GUCY1A2: variants seen among roughly 807,000 people sequenced by gnomAD.
GUCY1A2 encodes the protein guanylate cyclase 1 soluble subunit alpha 2.
A neutral mutation model predicts 63.5 loss-of-function variants in GUCY1A2; 27 were observed. The observed-to-expected ratio is 0.43, with a 90% CI of 0.31 to 0.59. The LOEUF is 0.59. GUCY1A2 is among the 20% of genes least tolerant of loss of function. GUCY1A2 has a pLI of 0.11. For missense variants in GUCY1A2, 768 were observed against 913.3 expected (o/e 0.84, Z 2.05); for synonymous variants, 364 against 343.5 (o/e 1.06, Z -0.66).
chr11:106,743,187 G>C (rs1449360627), intron 6 of GUCY1A2, among the ~76,000 whole-genome samples: 2 of 151,930 alleles, frequency 1.3e-5, no homozygotes, highest in Admixed American at 1.3e-4. Flanking sequence ...CAGCTTTCAC[G>C]TGACTCCTAT....
At chr11:106,806,796 TC>T (rs1858693270) in intron 5 of GUCY1A2, among the ~76,000 whole-genome samples, 1 of 152,186 alleles carries the variant, frequency 6.6e-6, no homozygotes. Context: ...CACAGCAAAA[TC>T]CACAGCTTCT....
At chr11:106,886,656 T>G (rs143980451) in intron 4 of GUCY1A2, among the ~76,000 whole-genome samples, 1 of 152,120 alleles carries the variant, frequency 6.6e-6, no homozygotes, top group African/African-American at 2.4e-5. Flanking sequence ...CATGTTTAAT[T>G]TGAAATAAAA....
chr11:106,890,241 C>T (rs1037557984), intron 4 of GUCY1A2, among the ~76,000 whole-genome samples: 2 of 152,160 alleles, frequency 1.3e-5, no homozygotes, highest in Non-Finnish European at 2.9e-5. Flanking sequence ...CCCAACTCTT[C>T]AGTAAACGTT....
chr11:106,707,471 C>T (rs1862936792), intron 7 of GUCY1A2, among the ~76,000 whole-genome samples: 1 of 151,804 alleles, frequency 6.6e-6, no homozygotes, highest in South Asian at 2.1e-4. Flanking sequence ...TTCTAAGTTA[C>T]CTAAAACATG....
chr11:106,856,426 T>C (rs1382480839), intron 4 of GUCY1A2, among the ~76,000 whole-genome samples: 1 of 149,452 alleles, frequency 6.7e-6, no homozygotes. Context: ...AAGATCTGCC[T>C]TTTTTTTTCT....
chr11:106,926,875 A>G (rs994996812), intron 4 of GUCY1A2, among the ~76,000 whole-genome samples: 2 of 151,570 alleles, frequency 1.3e-5, no homozygotes, highest in African/African-American at 4.8e-5. Flanking sequence ...CCCCATCAGG[A>G]ACAGCACAAT....
chr11:106,954,719 T>C (rs750975831), intron 3 of GUCY1A2, among the ~76,000 whole-genome samples: 175 of 152,192 alleles, frequency 1.1e-3, no homozygotes, highest in Non-Finnish European at 2.3e-3. Context: ...TTAGAATAGT[T>C]AGCTCTTCTT....
At chr11:106,716,086 A>C (rs2135358227) in intron 6 of GUCY1A2, among the ~76,000 whole-genome samples, 1 of 152,288 alleles carries the variant, frequency 6.6e-6, no homozygotes, top group East Asian at 1.9e-4. Context: ...CATCCAGGTA[A>C]AGTGAAAATA....
chr11:106,816,594 C>A (rs555465042), intron 4 of GUCY1A2, among the ~76,000 whole-genome samples: 1 of 149,092 alleles, frequency 6.7e-6, no homozygotes, highest in Non-Finnish European at 1.5e-5. Flanking sequence ...AGGGAGGAAA[C>A]AAAAACCATA....
intron 4 of GUCY1A2, among the ~76,000 whole-genome samples, chr11:106,909,867 C>G (rs1254064287): frequency 6.6e-6 from 1 of 151,992 alleles, no homozygotes; most frequent in Admixed American, 6.6e-5. Flanking sequence ...TGGGCTAATA[C>G]CTAAGAATGA....
At chr11:106,710,079 T>TTATA (rs1206146141) in intron 6 of GUCY1A2, among the ~76,000 whole-genome samples, 1 of 103,906 alleles carries the variant, frequency 9.6e-6, no homozygotes, top group Non-Finnish European at 1.8e-5. Context: ...TAATATATAG[T>TTATA]TATATATAAT....
At chr11:106,824,460 T>C (rs1302191487) in intron 4 of GUCY1A2, among the ~76,000 whole-genome samples, 1 of 152,136 alleles carries the variant, frequency 6.6e-6, no homozygotes, top group African/African-American at 2.4e-5. Context: ...TCTGCTCTTA[T>C]TTGGTTGTGA....
intron 6 of GUCY1A2, among the ~76,000 whole-genome samples, chr11:106,773,875 A>T (rs969392168): frequency 2.6e-5 from 4 of 152,156 alleles, no homozygotes; most frequent in Non-Finnish European, 5.9e-5. Context: ...TTAATGTTCT[A>T]AACTTTTATT....
chr11:106,831,698 C>A (rs1859053261), intron 4 of GUCY1A2, among the ~76,000 whole-genome samples: 1 of 152,212 alleles, frequency 6.6e-6, no homozygotes, highest in African/African-American at 2.4e-5. Flanking sequence ...CACAGTCTCT[C>A]TCGCAGCAGG....
chr11:106,721,496 G>A (rs1418811162), intron 6 of GUCY1A2, among the ~76,000 whole-genome samples: 4 of 152,128 alleles, frequency 2.6e-5, no homozygotes, highest in Non-Finnish European at 4.4e-5. Flanking sequence ...TCAACCAACC[G>A]ATAACAAAGT....
intron 1 of GUCY1A2, among the ~76,000 whole-genome samples, chr11:106,995,926 A>C (rs1452739719): frequency 6.6e-6 from 1 of 152,230 alleles, no homozygotes; most frequent in Admixed American, 6.5e-5. Flanking sequence ...GTATTTCCAA[A>C]GAATTCTCTA....
chr11:106,790,859 C>T (rs1346935965), intron 5 of GUCY1A2, among the ~76,000 whole-genome samples: 1 of 152,190 alleles, frequency 6.6e-6, no homozygotes, highest in East Asian at 1.9e-4. Context: ...ATCCAAGATG[C>T]AAGACAAAGT....
rs1234062178 is a variant in GUCY1A2, at chr11:106,710,130, A to AGT, written c.1837-1465_1837-1464insAC. Among the ~76,000 whole-genome samples, 43 of 84,032 alleles carry AGT rather than the reference A, an allele frequency of 5.1e-4. 17 individuals carry two copies. The highest frequency in any genetic ancestry group is 8.3e-4 in the Non-Finnish European group (35 of 42,294). 55.1% of individuals were successfully genotyped at this position (84,032 alleles called of 152,430 possible). A position where few individuals can be genotyped will look rare whatever the true frequency, so the allele number is the denominator to read the frequency against. ...TTATATACATGTATATAATATAGTTATATATATAATATATAGTTATATATA... is the reference window on the plus strand; with the variant it reads ...TTATATACATGTATATAATATAGTTAGTTATATATAATATATAGTTATATATA... On this transcript the variant is annotated intron_variant, in intron 6 of 7. Coordinates refer to ENST00000526355, the MANE Select transcript of GUCY1A2 (RefSeq NM_000855.3).
intron 2 of GUCY1A2, among the ~76,000 whole-genome samples, chr11:106,979,098 T>C (rs1861300264): frequency 6.6e-6 from 1 of 152,180 alleles, no homozygotes; most frequent in South Asian, 2.1e-4. Flanking sequence ...CAATGTTAAT[T>C]TGGTGTCCTG....
Sources: allele counts gnomAD v4.1 joint callset (sites outside exome capture counted in the v4.1 genomes callset), GRCh38; gene constraint gnomAD v4.1.1; transcripts MANE v1.5; gene names NCBI Gene and HGNC (gene_info 2026-07-23, HGNC 2026-07-21).